The following AFF3 variants were observed in gnomAD, a reference collection of about 807,000 sequenced individuals.
AFF3 encodes the protein AF4/FMR2 family member 3.
A neutral mutation model predicts 129.7 loss-of-function variants in AFF3; 32 were observed. The observed-to-expected ratio is 0.25, with a 90% CI of 0.19 to 0.33. The LOEUF is 0.33. Ranked by LOEUF, AFF3 falls within the 10% of genes least tolerant of loss-of-function variation. The probability of loss-of-function intolerance (pLI) is 1.00; values close to 1 mark genes in which losing one functional copy is unlikely to be tolerated. For missense variants in AFF3, 1,373 were observed against 1,592.0 expected, an observed-to-expected ratio of 0.86 and a Z score of 2.34; for synonymous variants, 644 against 635.4, an observed-to-expected ratio of 1.01 and a Z score of -0.20.
At chr2:99,739,700 A>C (rs2105101668) in intron 10 of AFF3, among the ~76,000 whole-genome samples, 1 of 152,296 alleles carries the variant, frequency 6.6e-6, no homozygotes, top group South Asian at 2.1e-4. Context: ...TTCTCACTTC[A>C]AAGAGAATAG....
intron 7 of AFF3, among the ~76,000 whole-genome samples, chr2:99,849,672 T>C (rs542150525): frequency 8.5e-5 from 13 of 152,350 alleles, no homozygotes; most frequent in Admixed American, 5.9e-4. Flanking sequence ...ATAAAAAGTA[T>C]TTTCGTATTT....
At position 99,979,250 on chromosome 2, in the gene AFF3, T is replaced by TC. The variant is rs542256424; in HGVS notation, c.873+27381dup. On this transcript the variant is annotated intron_variant, in intron 7 of 24. Transcript: ENST00000672756. ...TTATACTGAACTCCACTGCTTTTTT[T>TC]CCCAAGGGAAAAATCAGTGCCTAAG... is the stretch of plus-strand genomic sequence containing the variant. Among the ~76,000 whole-genome samples, 760 of 152,182 alleles carry TC rather than the reference T, an allele frequency of 5.0e-3. 11 individuals carry two copies. Among genetic ancestry groups the TC allele is most frequent in the African/African-American group, 0.018 (732 of 41,516 alleles).
rs745505866 is a variant in AFF3 at position 99,554,458 on chromosome 2, T to A, written c.3412A>T (p.Asn1138Tyr). Residue 1138 changes from asparagine (N) to tyrosine (Y), a missense_variant, in exon 24 of 25, where the codon AAC becomes TAC. This residue lies in a region of AFF3 where 165 missense variants were observed against 234.0 expected (regional missense o/e 0.71). Transcript: ENST00000672756. The part of the protein sequence containing the change: ...SSVGSQGSLS[N>Y]ASALSPSTIV... ...GTCGACGGGGACAGGGCGCTGGCGT[T>A]GGAGAGGCTGCCCTGAGACCCCACG... 3.1e-6 allele frequency: 5 copies of A among 1,613,926 alleles called. No individual in the cohort carries two copies. Among genetic ancestry groups the A allele is most frequent in the Non-Finnish European group, 4.2e-6 (5 of 1,179,996 alleles).
chr2:100,049,591 A>G lies in AFF3; in HGVS notation c.54-40659T>C, dbSNP rs10200562. 3.7e-3 allele frequency among the ~76,000 whole-genome samples: 561 copies of G among 152,340 alleles called. 4 individuals carry two copies. The highest frequency in any genetic ancestry group is 0.013 in the African/African-American group (535 of 41,570). Reference sequence around the variant, plus strand: ...GTTAAAGTGTCCTGAGTTACACTAGAAATGTTTAGGGATTAACTGTAGTGA... The same window carrying G: ...GTTAAAGTGTCCTGAGTTACACTAGGAATGTTTAGGGATTAACTGTAGTGA... On this transcript the variant is annotated intron_variant, in intron 4 of 24. Transcript: ENST00000672756.
intron 4 of AFF3, among the ~76,000 whole-genome samples, chr2:100,026,996 A>T (rs1414691548): frequency 6.6e-6 from 1 of 151,990 alleles, no homozygotes; most frequent in East Asian, 1.9e-4. Flanking sequence ...TGCTCAGGTG[A>T]TGAGTACACA....
intron 1 of AFF3, among the ~76,000 whole-genome samples, chr2:100,139,351 T>C (rs953385397): frequency 6.6e-6 from 1 of 152,140 alleles, no homozygotes; most frequent in Non-Finnish European, 1.5e-5. Flanking sequence ...TTAAGCAGGA[T>C]CTAATTGGTA....
At chr2:99,746,161 T>G (rs996355989) in intron 9 of AFF3, among the ~76,000 whole-genome samples, 11 of 149,162 alleles carry the variant, frequency 7.4e-5, no homozygotes, top group Admixed American at 6.7e-4. Flanking sequence ...TACACAAGAA[T>G]GCGTGAATAG....
intron 4 of AFF3, among the ~76,000 whole-genome samples, chr2:100,051,769 G>A (rs1686355498): frequency 6.6e-6 from 1 of 152,186 alleles, no homozygotes; most frequent in Non-Finnish European, 1.5e-5. Context: ...CAGATAAAGG[G>A]AGGTTACTGA....
intron 1 of AFF3, among the ~76,000 whole-genome samples, chr2:100,130,733 G>A (rs773445137): frequency 1.5e-4 from 23 of 152,256 alleles, no homozygotes; most frequent in Non-Finnish European, 2.4e-4. Flanking sequence ...TGAGATCACT[G>A]GGCTGCCATC....
chr2:100,103,168 G>A (rs923481878), intron 4 of AFF3, among the ~76,000 whole-genome samples: 1 of 152,122 alleles, frequency 6.6e-6, no homozygotes, highest in African/African-American at 2.4e-5. Flanking sequence ...AAAAGTCACT[G>A]GAAACCTAAA....
chr2:99,581,522 CTT>C (rs74265080), intron 17 of AFF3, among the ~76,000 whole-genome samples: 24 of 145,280 alleles, frequency 1.7e-4, no homozygotes, highest in Admixed American at 2.1e-4. Flanking sequence ...GAATCCTGTT[CTT>C]TTTTTTTTTT....
chr2:99,781,757 A>G (rs1261945943), intron 8 of AFF3, among the ~76,000 whole-genome samples: 1 of 152,244 alleles, frequency 6.6e-6, no homozygotes, highest in Non-Finnish European at 1.5e-5. Context: ...AAATGAATGA[A>G]TGAATGAAAT....
At chr2:99,625,178 T>C (rs912869194) in intron 13 of AFF3, among the ~76,000 whole-genome samples, 1 of 152,246 alleles carries the variant, frequency 6.6e-6, no homozygotes, top group East Asian at 1.9e-4. Flanking sequence ...CATTTTCTTA[T>C]GCAATTTCCA....
intron 19 of AFF3, among the ~76,000 whole-genome samples, chr2:99,567,467 A>G (rs1451326257): frequency 6.6e-6 from 1 of 152,184 alleles, no homozygotes; most frequent in African/African-American, 2.4e-5. Context: ...GCAGTCTGTG[A>G]TTACCCAACA....
chr2:99,565,712 A>T (rs1486997587), intron 19 of AFF3, 89 bp from the exon 20 acceptor site: 1 of 1,400,998 alleles, frequency 7.1e-7, no homozygotes, highest in East Asian at 2.3e-5. Flanking sequence ...TATTTGAGAA[A>T]CCCAACTCTG....
chr2:99,592,537 G>A (rs922354039), intron 15 of AFF3, among the ~76,000 whole-genome samples: 1 of 152,226 alleles, frequency 6.6e-6, no homozygotes, highest in Non-Finnish European at 1.5e-5. Flanking sequence ...CATGTGTTTA[G>A]CTTTCTCACA....
At chr2:100,055,034 G>C (rs1273483038) in intron 4 of AFF3, among the ~76,000 whole-genome samples, 2 of 152,154 alleles carry the variant, frequency 1.3e-5, no homozygotes, top group Non-Finnish European at 2.9e-5. Context: ...GATTGCCTTG[G>C]TTGTTATTGT....
rs1028493728 is a variant in AFF3 at position 99,893,061 on chromosome 2, G to A, written c.874-55537C>T. On this transcript the variant is annotated intron_variant, in intron 7 of 24. Coordinates refer to ENST00000672756, the MANE Select transcript of AFF3 (RefSeq NM_001386135.1). ...GTTGCTTAATTCTCACCTCCCTGGC[G>A]CTCCCACAGATCATTCTGTGCCCAT... Among the ~76,000 whole-genome samples, 9 of 152,048 alleles carry A rather than the reference G, an allele frequency of 5.9e-5. 1 individual carries two copies. Among genetic ancestry groups the A allele is most frequent in the Admixed American group, 2.0e-4 (3 of 15,264 alleles).
intron 10 of AFF3, among the ~76,000 whole-genome samples, chr2:99,729,585 A>C (rs1679642024): frequency 6.6e-6 from 1 of 152,172 alleles, no homozygotes; most frequent in Admixed American, 6.5e-5. Context: ...CCACATCTTG[A>C]AATTTTAGGT....
Sources: allele counts gnomAD v4.1 joint callset (sites outside exome capture counted in the v4.1 genomes callset), GRCh38; gene constraint gnomAD v4.1.1; regional missense constraint gnomAD v4.1.1; transcripts MANE v1.5; gene names NCBI Gene and HGNC (gene_info 2026-07-23, HGNC 2026-07-21).